Variants in DOCK9 observed in about 807,000 individuals in gnomAD.
DOCK9 encodes the protein dedicator of cytokinesis 9.
DOCK9 carries 89 observed loss-of-function variants against 263.3 expected under a neutral mutation model. The ratio of observed to expected loss-of-function variants is 0.34; its 90% confidence interval spans 0.28 to 0.40. DOCK9 has a LOEUF of 0.40. Among genes scored for constraint, DOCK9 ranks in the 10% least tolerant of loss-of-function variants. The probability of loss-of-function intolerance (pLI) is 1.00; values close to 1 mark genes in which losing one functional copy is unlikely to be tolerated. For missense variants in DOCK9, 2,140 were observed against 2,603.4 expected (o/e 0.82, Z 3.87); for synonymous variants, 976 against 973.1 (o/e 1.00, Z -0.06).
chr13:98,878,102 G>T (rs1184905077), intron 27 of DOCK9, among the ~76,000 whole-genome samples: 5 of 152,202 alleles, frequency 3.3e-5, no homozygotes, highest in African/African-American at 1.2e-4. Flanking sequence ...CTCCTAAGAA[G>T]AGATTAGGAC....
chr13:98,897,328 C>A (rs1239118115), intron 15 of DOCK9, among the ~76,000 whole-genome samples, 160 bp downstream of exon 15: 9 of 152,194 alleles, frequency 5.9e-5, no homozygotes, highest in Non-Finnish European at 1.3e-4. Context: ...CTGATTTTCA[C>A]CCCATCTTTC....
In DOCK9 at chr13:98,867,441, C is replaced by A. The variant is rs746717567; in HGVS notation, c.3270G>T (p.Arg1090Ser). The change falls in exon 30 of 53, where the codon AGG (arginine) becomes AGT (serine). Residue 1090 changes from arginine to serine, a missense_variant. By Grantham distance (110) the Arg-to-Ser change is moderately radical (BLOSUM62 -1). Around this residue, in one of 2 missense-constraint regions of DOCK9, gnomAD observed 1,521 missense variants for 1,741.7 expected, o/e 0.87. Coordinates refer to ENST00000682017, the MANE Select transcript of DOCK9 (RefSeq NM_001366683.2). ...ATGGATTACCTTGGTATCTTTGAAT[C>A]CTGCCTTTTCCAAATGGCATTGGTA... ...LNLPMPFGKG[R>S]IQRYQDLQLD... is the part of the protein sequence containing the mutation. 1.3e-6 allele frequency: 2 copies of A among 1,598,194 alleles called. No individual in the cohort carries two copies. Among genetic ancestry groups the A allele is most frequent in the African/African-American group, 2.7e-5 (2 of 74,562 alleles).
intron 45 of DOCK9, among the ~76,000 whole-genome samples, chr13:98,812,590 G>T (rs1299597430): frequency 1.3e-5 from 2 of 152,306 alleles, no homozygotes; most frequent in African/African-American, 4.8e-5. Context: ...CTTAATTGTG[G>T]TTACTTATTT....
chr13:98,879,038 C>T (rs949926879), intron 27 of DOCK9, among the ~76,000 whole-genome samples: 6 of 152,230 alleles, frequency 3.9e-5, no homozygotes, highest in African/African-American at 1.4e-4. Context: ...CAAACAACTA[C>T]ACTACTTCAC....
intron 35 of DOCK9, among the ~76,000 whole-genome samples, chr13:98,852,584 T>C (rs1462296100): frequency 6.6e-6 from 1 of 152,214 alleles, no homozygotes; most frequent in Non-Finnish European, 1.5e-5. Flanking sequence ...GCCTTCAGGT[T>C]CTCAAAAAAT....
intron 26 of DOCK9, among the ~76,000 whole-genome samples, chr13:98,880,236 C>T (rs2296993): frequency 0.53 from 80,325 of 151,584 alleles, 21,844 homozygotes; most frequent in Middle Eastern, 0.61. Flanking sequence ...TGTGGGGTTA[C>T]GGGTGTAGTC....
chr13:98,860,315 C>G lies in DOCK9; in HGVS notation c.3697+90G>C, dbSNP rs373024706. ...AGCAACTTAGACTTCAAGGTCCTAC[C>G]ACACAAGTGTGACACGTTCACCAAC... On this transcript the variant is annotated intron_variant, in intron 33 of 52. Coordinates refer to ENST00000682017, the MANE Select transcript of DOCK9 (RefSeq NM_001366683.2). 644 of 1,533,084 alleles carry G rather than the reference C, an allele frequency of 4.2e-4. 2 individuals carry two copies. The highest frequency in any genetic ancestry group is 5.1e-4 in the Middle Eastern group (3 of 5,908). 95.0% of individuals were successfully genotyped at this position (1,533,084 alleles called of 1,614,324 possible).
At chr13:99,031,740 A>G (rs752702965) in intron 1 of DOCK9, among the ~76,000 whole-genome samples, 85 of 152,368 alleles carry the variant, frequency 5.6e-4, no homozygotes, top group Non-Finnish European at 9.0e-4. Flanking sequence ...TGGTTCACAC[A>G]TAGCCAATGT....
At chr13:99,076,521 GA>G (rs1245673041) in intron 1 of DOCK9, among the ~76,000 whole-genome samples, 1 of 152,180 alleles carries the variant, frequency 6.6e-6, no homozygotes, top group East Asian at 1.9e-4. Context: ...GCCTCAAAGT[GA>G]TACACATTCT....
At chr13:98,839,307 G>A (rs538929353) in intron 38 of DOCK9, among the ~76,000 whole-genome samples, 2 of 152,244 alleles carry the variant, frequency 1.3e-5, no homozygotes, top group East Asian at 3.9e-4. Flanking sequence ...GATATGTTGG[G>A]GTACTAATGT....
chr13:99,005,127 G>A (rs564895490), intron 1 of DOCK9, among the ~76,000 whole-genome samples: 3 of 151,140 alleles, frequency 2.0e-5, no homozygotes, highest in South Asian at 2.1e-4. Context: ...CAGCTGCCAC[G>A]CTGGAATTTT....
At chr13:99,053,501 A>G (rs1208429550) in intron 1 of DOCK9, among the ~76,000 whole-genome samples, 1 of 152,262 alleles carries the variant, frequency 6.6e-6, no homozygotes, top group Non-Finnish European at 1.5e-5. Context: ...ATTGAATTAA[A>G]TTGCTTTCTA....
In DOCK9 at chr13:98,921,224, T is replaced by C. The variant is rs372206299; in HGVS notation, c.583-136A>G. ...CTCTAGCTGATGCTCCAGGTCACTG[T>C]GGGGTCAAGACTCCCCATCCCATCT... On this transcript the variant is annotated intron_variant, in intron 6 of 52. Transcript: ENST00000682017. The C allele has an allele frequency of 1.8e-4, 162 of 884,656 alleles. No individual in the cohort carries two copies. The East Asian group carries it at 2.4e-3, about 13-fold the overall frequency. 54.8% of individuals were successfully genotyped at this position (884,656 alleles called of 1,614,324 possible). A position where few individuals can be genotyped will look rare whatever the true frequency, so the allele number is the denominator to read the frequency against.
intron 27 of DOCK9, among the ~76,000 whole-genome samples, chr13:98,870,011 A>G (rs1408669494): frequency 6.6e-6 from 1 of 152,232 alleles, no homozygotes. Flanking sequence ...CTACCAACTC[A>G]TGATTGTCCA....
rs112002773 is a variant in DOCK9, at chr13:98,922,023, G to A, written c.582+28C>T. 1.5e-3 allele frequency: 2,258 copies of A among 1,540,064 alleles called. 26 individuals are homozygous for A. In the African/African-American group the frequency reaches 0.028, roughly 19 times the overall value. ...CTATGGCAGAAAGGGCTTGTGAGAG[G>A]GGAGGGCAAAGTGATGTGCGTCCTC... On this transcript the variant is annotated intron_variant, in intron 6 of 52. Transcript: ENST00000682017.
intron 2 of DOCK9, among the ~76,000 whole-genome samples, chr13:98,944,255 G>A (rs1187199005): frequency 6.6e-6 from 1 of 151,922 alleles, no homozygotes; most frequent in Non-Finnish European, 1.5e-5. Flanking sequence ...TATACAGGTG[G>A]TATTTCATAC....
At chr13:98,795,084 CA>C (rs1264306974) in intron 52 of DOCK9, among the ~76,000 whole-genome samples, 1 of 152,172 alleles carries the variant, frequency 6.6e-6, no homozygotes, top group Non-Finnish European at 1.5e-5. Context: ...AAGTCAAGAA[CA>C]GCACATTTTG....
intron 44 of DOCK9, chr13:98,826,124 C>G: frequency 2.2e-6 from 1 of 449,110 alleles, no homozygotes; most frequent in Non-Finnish European, 4.0e-6. Context: ...CACTATTTCT[C>G]ACTTCGTACA....
At chr13:98,861,395 A>G (rs1369527384) in intron 32 of DOCK9, among the ~76,000 whole-genome samples, 2 of 152,216 alleles carry the variant, frequency 1.3e-5, no homozygotes, top group African/African-American at 4.8e-5. Flanking sequence ...CAAGGTAGGA[A>G]GATGAACAAC....
Sources: gnomAD v4.1 joint callset for allele counts (sites outside exome capture counted in the v4.1 genomes callset) on GRCh38, gnomAD v4.1.1 for gene constraint, gnomAD v4.1.1 regional missense constraint, MANE v1.5 for transcripts, NCBI Gene and HGNC (gene_info 2026-07-23, HGNC 2026-07-21) for gene names.